Variants in SESN3 observed in about 807,000 individuals in gnomAD.
The protein encoded by SESN3 is sestrin 3, also known as sestrin-3.
In SESN3, 21 loss-of-function variants were observed where a neutral mutation model predicts 55.3. That is an observed-to-expected ratio of 0.38 (90% confidence interval 0.27 to 0.55). The LOEUF is 0.55. Ranked by LOEUF, SESN3 falls within the 20% of genes least tolerant of loss-of-function variation. The probability of loss-of-function intolerance (pLI) is 0.76; values close to 1 mark genes in which losing one functional copy is unlikely to be tolerated. For missense variants in SESN3, 408 were observed against 604.3 expected (o/e 0.68, Z 3.41); for synonymous variants, 181 against 203.1 (o/e 0.89, Z 0.93).
chr11:95,188,147 A>C lies in SESN3; in HGVS notation c.525+1632T>G, dbSNP rs996011630. The stretch of plus-strand genomic sequence containing the variant: ...ATTACAACATGGCACAAAAACCTTT[A>C]ATGATTCTCGATTCTCTATCATATT... On this transcript the variant is annotated intron_variant, in intron 4 of 9. Coordinates refer to ENST00000536441, the MANE Select transcript of SESN3 (RefSeq NM_144665.4). Among the ~76,000 whole-genome samples, 3 of 151,986 alleles carry C rather than the reference A, an allele frequency of 2.0e-5. No homozygotes were observed. In the East Asian group the frequency reaches 5.8e-4, roughly 29 times the overall value.
chr11:95,219,233 AAC>A (rs1472431004), intron 1 of SESN3, among the ~76,000 whole-genome samples: 1 of 152,194 alleles, frequency 6.6e-6, no homozygotes, highest in Non-Finnish European at 1.5e-5. Context: ...TAACGTACAA[AAC>A]AGTTTTGATA....
chr11:95,202,057 G>C (rs919332481), intron 1 of SESN3, among the ~76,000 whole-genome samples: 1 of 151,782 alleles, frequency 6.6e-6, no homozygotes, highest in Admixed American at 6.6e-5. Flanking sequence ...CAACTCCCAA[G>C]GTTTCCTATG....
At chr11:95,206,411 T>C (rs1193733925) in intron 1 of SESN3, among the ~76,000 whole-genome samples, 1 of 147,746 alleles carries the variant, frequency 6.8e-6, no homozygotes, top group Non-Finnish European at 1.5e-5. Flanking sequence ...CACACACTCT[T>C]ATAATTTAAT....
chr11:95,167,582 A>G lies in SESN3; in HGVS notation c.*5673T>C, dbSNP rs1339143823. The G allele has an allele frequency of 2.0e-5, 3 of 150,284 alleles. No homozygotes were observed. The highest frequency in any genetic ancestry group is 3.0e-5 in the Non-Finnish European group (2 of 67,454). 9.3% of individuals were successfully genotyped at this position (150,284 alleles called of 1,614,324 possible). Reference sequence around the variant, plus strand: ...TAATTTAATACAAACCGCCTCATTCAGTCTCCATTATTAAGTCTCATTTCT... The same window carrying G: ...TAATTTAATACAAACCGCCTCATTCGGTCTCCATTATTAAGTCTCATTTCT... On this transcript the variant is annotated 3_prime_UTR_variant, in exon 10 of 10. Transcript: ENST00000536441.
rs144820380 is a variant in SESN3, at chr11:95,179,559, TG to T, written c.938-732del. Among the ~76,000 whole-genome samples, 755 of 152,304 alleles carry T rather than the reference TG, an allele frequency of 5.0e-3. 31 individuals are homozygous for T. The East Asian group carries it at 0.1, about 20-fold the overall frequency. ...AAAATTACATGGTGTTTCATCTGGA[TG>T]TATTCACAGTAAAAATTAGTTCAAT... On this transcript the variant is annotated intron_variant, in intron 6 of 9. Coordinates refer to ENST00000536441, the MANE Select transcript of SESN3 (RefSeq NM_144665.4).
rs535697697 is a variant in SESN3, at chr11:95,166,426, C to T, written c.*6829G>A. On this transcript the variant is annotated 3_prime_UTR_variant, in exon 10 of 10. Transcript: ENST00000536441. ...ATAACAGACATTTCACAGCATGCTA[C>T]ATATATCGCTCACAACTTAAGGATA... The T allele has an allele frequency of 1.3e-5, 2 of 152,304 alleles. No individual in the cohort carries two copies. Among genetic ancestry groups the T allele is most frequent in the Non-Finnish European group, 2.9e-5 (2 of 68,018 alleles). 9.4% of individuals were successfully genotyped at this position (152,304 alleles called of 1,614,324 possible). A position where few individuals can be genotyped will look rare whatever the true frequency, so the allele number is the denominator to read the frequency against.
At position 95,185,421 on chromosome 11, in the gene SESN3, A is replaced by G; in HGVS notation, c.597T>C (p.His199=). The G allele has an allele frequency of 6.2e-7, 1 of 1,613,308 alleles. No individual in the cohort carries two copies. The highest frequency in any genetic ancestry group is 8.5e-7 in the Non-Finnish European group (1 of 1,179,432). Residue 199 remains histidine, a synonymous_variant, in exon 5 of 10, where the codon CAT becomes CAC. Coordinates refer to ENST00000536441, the MANE Select transcript of SESN3 (RefSeq NM_144665.4). ...ELVHAVVLLA[H]YHALASFVFG... ...AAACAAAGCTTGCCAAAGCATGATA[A>G]TGTGCCAGGAGGACCACAGCATGTA...
At chr11:95,186,841 T>C (rs1860177123) in intron 4 of SESN3, among the ~76,000 whole-genome samples, 1 of 151,868 alleles carries the variant, frequency 6.6e-6, no homozygotes, top group African/African-American at 2.4e-5. Context: ...TAAAAGAATA[T>C]ACACCAGAAA....
In SESN3 at chr11:95,214,674, A is replaced by G. The variant is rs368079585; in HGVS notation, c.78+16109T>C. ...TTCAAAAGAATTTTTAAAAAACAAC[A>G]TATCAATCCCAAATCTGTCATCAGG... On this transcript the variant is annotated intron_variant, in intron 1 of 9. Transcript: ENST00000536441. Among the ~76,000 whole-genome samples the G allele has an allele frequency of 1.3e-3, 203 of 152,244 alleles. 1 individual carries two copies. The highest frequency in any genetic ancestry group is 4.3e-3 in the South Asian group (21 of 4,828).
In SESN3 at chr11:95,167,816, C is replaced by A. The variant is rs1438220330; in HGVS notation, c.*5439G>T. 6.6e-6 allele frequency: 1 copy of A among 152,222 alleles called. No homozygotes were observed. The highest frequency in any genetic ancestry group is 1.5e-5 in the Non-Finnish European group (1 of 68,038). 9.4% of individuals were successfully genotyped at this position (152,222 alleles called of 1,614,324 possible). Reference sequence around the variant, plus strand: ...CCTGACATAATTTTACATTTATGAACAACCTCAAGTGCACCTAGCTGGAGA... The same window carrying A: ...CCTGACATAATTTTACATTTATGAAAAACCTCAAGTGCACCTAGCTGGAGA... On this transcript the variant is annotated 3_prime_UTR_variant, in exon 10 of 10. Transcript: ENST00000536441.
At chr11:95,207,724 T>A (rs979942223) in intron 1 of SESN3, among the ~76,000 whole-genome samples, 16 of 147,616 alleles carry the variant, frequency 1.1e-4, no homozygotes, top group East Asian at 3.9e-4. Flanking sequence ...CTATTGTAGA[T>A]ATATATCATA....
rs1308255630 is a variant in SESN3, at chr11:95,227,560, A to T, written c.78+3223T>A. Among the ~76,000 whole-genome samples the T allele has an allele frequency of 2.0e-5, 3 of 152,198 alleles. No homozygotes were observed. In the East Asian group the frequency reaches 5.8e-4, roughly 29 times the overall value. ...CTTTGTTTATAAAACCATCAAAAAG[A>T]TGTCAAAATATATGATCATATAACA... On this transcript the variant is annotated intron_variant, in intron 1 of 9. Transcript: ENST00000536441.
chr11:95,227,480 A>G (rs1415096661), intron 1 of SESN3, among the ~76,000 whole-genome samples: 3 of 152,146 alleles, frequency 2.0e-5, no homozygotes, highest in Non-Finnish European at 4.4e-5. Flanking sequence ...CTGGGATTAC[A>G]GGCGTAAGCC....
chr11:95,210,173 C>A (rs1860627090), intron 1 of SESN3, among the ~76,000 whole-genome samples: 1 of 151,916 alleles, frequency 6.6e-6, no homozygotes, highest in Non-Finnish European at 1.5e-5. Flanking sequence ...ACAATGAGAA[C>A]ACATGGACAC....
chr11:95,230,720 C>T lies in SESN3; in HGVS notation c.78+63G>A. ...CCCCCAGTGCGCGCCCGGGGACGAGCCGCCCGAGCCCCGGCCGGCAGGAAG... is the reference window on the plus strand; with the variant it reads ...CCCCCAGTGCGCGCCCGGGGACGAGTCGCCCGAGCCCCGGCCGGCAGGAAG... On this transcript the variant is annotated intron_variant, in intron 1 of 9. Coordinates refer to ENST00000536441, the MANE Select transcript of SESN3 (RefSeq NM_144665.4). The surrounding 1 kb of genome is among the most constrained non-coding windows in gnomAD (Gnocchi z 4.6). 1 of 1,318,006 alleles carries T rather than the reference C, an allele frequency of 7.6e-7. No individual in the cohort carries two copies. The highest frequency in any genetic ancestry group is 1.2e-5 in the South Asian group (1 of 82,040). 81.6% of individuals were successfully genotyped at this position (1,318,006 alleles called of 1,614,324 possible).
intron 1 of SESN3, among the ~76,000 whole-genome samples, chr11:95,215,566 A>G (rs568504946): frequency 8.8e-4 from 134 of 152,306 alleles, no homozygotes; most frequent in Non-Finnish European, 1.8e-3. Flanking sequence ...CTGAATTACA[A>G]TGACATTCAG....
chr11:95,186,241 T>TGTGTGTGTGTGTGG (rs1209278155), intron 4 of SESN3, among the ~76,000 whole-genome samples: 28 of 136,280 alleles, frequency 2.1e-4, no homozygotes, highest in South Asian at 9.4e-4. Flanking sequence ...TGTGTGTGTG[T>TGTGTGTGTGTGTGG]GGTGTATGTA....
At chr11:95,194,447 A>G (rs977358254) in intron 1 of SESN3, among the ~76,000 whole-genome samples, 1 of 152,136 alleles carries the variant, frequency 6.6e-6, no homozygotes, top group Non-Finnish European at 1.5e-5. Flanking sequence ...GAGCCTAATC[A>G]GATACTGTGA....
intron 1 of SESN3, among the ~76,000 whole-genome samples, chr11:95,222,291 T>C (rs1860871890): frequency 1.3e-5 from 2 of 152,136 alleles, no homozygotes; most frequent in African/African-American, 4.8e-5. Flanking sequence ...TGATATTTAA[T>C]TGAAATATTT....
Sources: gnomAD v4.1 joint callset for allele counts (sites outside exome capture counted in the v4.1 genomes callset) on GRCh38, gnomAD v4.1.1 for gene constraint, Gnocchi (gnomAD v3.1) non-coding constraint, MANE v1.5 for transcripts, NCBI Gene and HGNC (gene_info 2026-07-23, HGNC 2026-07-21) for gene names.